TYK2: variants seen among roughly 807,000 people sequenced by gnomAD.
TYK2 encodes the protein tyrosine kinase 2.
Under a neutral mutation model 130.9 loss-of-function variants are expected in TYK2, and 65 were observed. That is an observed-to-expected ratio of 0.50 (90% CI 0.41 to 0.61). The LOEUF is 0.61. TYK2 is among the 20% of genes least tolerant of loss of function. TYK2 has a pLI of 0.00. For synonymous variants in TYK2, 647 were observed against 658.9 expected, an observed-to-expected ratio of 0.98 and a Z score of 0.28; for missense variants, 1,378 against 1,610.7, an observed-to-expected ratio of 0.86 and a Z score of 2.47.
In TYK2 at chr19:10,356,713, C is replaced by T. The variant is rs1599333919; in HGVS notation, c.2472G>A (p.Glu824=). The T allele has an allele frequency of 1.9e-6, 3 of 1,606,758 alleles. No homozygotes were observed. Among genetic ancestry groups the T allele is most frequent in the Non-Finnish European group, 2.5e-6 (3 of 1,176,926 alleles). The change falls in exon 18 of 25, where the codon GAG becomes GAA. Residue 824 remains glutamate (E), a synonymous_variant. Transcript: ENST00000525621. ...PLQSRSPSEK[E]HFYQRQHRLP... ...GCCGGTGCTGCCTCTGGTAGAAATG[C>T]TCCTTCTGTTGGGAAAGGGACCCAG... is the stretch of plus-strand genomic sequence containing the variant.
chr19:10,356,105 G>A (rs962300358), intron 18 of TYK2, among the ~76,000 whole-genome samples: 8 of 152,118 alleles, frequency 5.3e-5, no homozygotes, highest in Admixed American at 3.9e-4. Context: ...GAGGCCAGGC[G>A]CAGTGGCTCA....
intron 23 of TYK2, 80 bp downstream of exon 23, chr19:10,352,354 G>A: frequency 1.0e-6 from 1 of 965,776 alleles, no homozygotes; most frequent in South Asian, 1.3e-5. Context: ...TTACAGGCTT[G>A]AGCCACCGCG....
Position 10,350,544 on chromosome 19 carries a change from T to G in TYK2, c.*290A>C, listed in dbSNP as rs1599322119. ...ATCACAGGCTCCAGCAGAGAAAACATGAGTTTATTACCAGATGGTGGAGAT... is the reference window on the plus strand; with the variant it reads ...ATCACAGGCTCCAGCAGAGAAAACAGGAGTTTATTACCAGATGGTGGAGAT... On this transcript the variant is annotated 3_prime_UTR_variant, in exon 25 of 25. Transcript: ENST00000525621. The G allele has an allele frequency of 4.3e-6, 2 of 465,372 alleles. No homozygotes were observed. The highest frequency in any genetic ancestry group is 3.8e-5 in the African/African-American group (2 of 51,950). 28.8% of individuals were successfully genotyped at this position (465,372 alleles called of 1,614,324 possible).
In TYK2 at chr19:10,361,530, G is replaced by A. The variant is rs563722782; in HGVS notation, c.2028C>T (p.Val676=). ...ACTCACTTTCAGGGCCGCGCACACA[G>A]ACGCCATGCACGAAGGCCAGGTGCG... is the stretch of plus-strand genomic sequence containing the variant. ...SHTHLAFVHG[V]CVRGPENIMV... is the part of the protein sequence containing the mutation. The change falls in exon 14 of 25, where the codon GTC becomes GTT. Residue 676 remains valine (V), a synonymous_variant. Transcript: ENST00000525621. The surrounding 1 kb of genome is among the most constrained non-coding windows in gnomAD (Gnocchi z 4.0). The A allele has an allele frequency of 2.6e-6, 4 of 1,546,570 alleles. No homozygotes were observed. The highest frequency in any genetic ancestry group is 3.9e-5 in the Admixed American group (2 of 50,960).
Position 10,350,685 on chromosome 19 carries a change from CAG to C in TYK2, c.*147_*148del. On this transcript the variant is annotated 3_prime_UTR_variant, in exon 25 of 25. Coordinates refer to ENST00000525621, the MANE Select transcript of TYK2 (RefSeq NM_003331.5). ...CGGCCAAGAAAGAAAAATAAGTTCA[CAG>C]AGGTGGGGTCTCTAGACAGGAGTAA... The C allele has an allele frequency of 1.1e-6, 1 of 917,948 alleles. No homozygotes were observed. The highest frequency in any genetic ancestry group is 2.7e-5 in the Admixed American group (1 of 36,812). 56.9% of individuals were successfully genotyped at this position (917,948 alleles called of 1,614,324 possible).
intron 3 of TYK2, among the ~76,000 whole-genome samples, chr19:10,370,266 G>A (rs2145292843): frequency 6.6e-6 from 1 of 151,672 alleles, no homozygotes; most frequent in Middle Eastern, 3.4e-3. Flanking sequence ...GGCTGAGGCA[G>A]GAGGACTGCT....
At chr19:10,362,927 C>T (rs867578167) in intron 9 of TYK2, among the ~76,000 whole-genome samples, 28 of 152,182 alleles carry the variant, frequency 1.8e-4, no homozygotes, top group South Asian at 1.2e-3. Flanking sequence ...AATGCAATGG[C>T]GTGATCTCAG....
intron 3 of TYK2, among the ~76,000 whole-genome samples, chr19:10,377,321 C>CGGGTGGATGGAT (rs2042154193): frequency 1.6e-5 from 2 of 128,732 alleles, no homozygotes; most frequent in Non-Finnish European, 3.4e-5. Context: ...ACCGAATGAA[C>CGGGTGGATGGAT]GGGTGGATGG....
At chr19:10,373,486 A>C (rs1020553151) in intron 3 of TYK2, among the ~76,000 whole-genome samples, 1 of 151,764 alleles carries the variant, frequency 6.6e-6, no homozygotes, top group African/African-American at 2.4e-5. Context: ...GTGCGTCACC[A>C]CGCCCAGCTA....
At position 10,353,321 on chromosome 19, in the gene TYK2, G is replaced by C. The variant is rs1038849460; in HGVS notation, c.3027+207C>G. 1 of 575,534 alleles carries C rather than the reference G, an allele frequency of 1.7e-6. No homozygotes were observed. Among genetic ancestry groups the C allele is most frequent in the African/African-American group, 1.9e-5 (1 of 52,732 alleles). 35.7% of individuals were successfully genotyped at this position (575,534 alleles called of 1,614,324 possible). ...AAAGCTGGGCAGGAGGGCGAGTTGG[G>C]AGGGGCCGAGCCGGCTGTGCGTGGT... On this transcript the variant is annotated intron_variant, in intron 21 of 24. Coordinates refer to ENST00000525621, the MANE Select transcript of TYK2 (RefSeq NM_003331.5). This position sits in a 1 kb window ranked among gnomAD's most constrained non-coding sequence, Gnocchi z 6.9.
chr19:10,358,718 A>G (rs1168286112), intron 15 of TYK2, among the ~76,000 whole-genome samples: 1 of 151,606 alleles, frequency 6.6e-6, no homozygotes, highest in Non-Finnish European at 1.5e-5. Context: ...GGCCTCCCAA[A>G]CTGCTGGGAT....
chr19:10,378,033 G>A (rs1463142240), intron 3 of TYK2, among the ~76,000 whole-genome samples, 181 bp downstream of exon 3: 1 of 135,600 alleles, frequency 7.4e-6, no homozygotes, highest in Non-Finnish European at 1.6e-5. Flanking sequence ...TGGGTGGGTG[G>A]GTGGATGGAT....
At position 10,364,869 on chromosome 19, in the gene TYK2, C is replaced by T. The variant is rs2041581585; in HGVS notation, c.1191G>A (p.Arg397=). The T allele has an allele frequency of 6.2e-7, 1 of 1,614,156 alleles. No individual in the cohort carries two copies. Among genetic ancestry groups the T allele is most frequent in the Non-Finnish European group, 8.5e-7 (1 of 1,180,054 alleles). The change falls in exon 8 of 25, where the codon CGG becomes CGA. Residue 397 remains arginine, a synonymous_variant. Transcript: ENST00000525621. The surrounding 1 kb of genome is among the most constrained non-coding windows in gnomAD (Gnocchi z 4.9). The part of the protein sequence containing the change: ...VLKEHCVSIH[R]QDNKCLELSL... ...GCCTCACCAGGCACTTGTTGTCCTG[C>T]CGGTGGATGCTGACACAGTGCTCTT...
At position 10,380,503 on chromosome 19, in the gene TYK2, G is replaced by A. The variant is rs1368565911; in HGVS notation, c.-309C>T. The A allele has an allele frequency of 2.6e-5, 4 of 152,488 alleles. No individual in the cohort carries two copies. Among genetic ancestry groups the A allele is most frequent in the African/African-American group, 9.6e-5 (4 of 41,462 alleles). 9.4% of individuals were successfully genotyped at this position (152,488 alleles called of 1,614,324 possible). Reference sequence around the variant, plus strand: ...CGCGCTCCTTCCGCGCCCGCGTCCAGACTCACCCTTCCGGGGGAACACAAG... The same window carrying A: ...CGCGCTCCTTCCGCGCCCGCGTCCAAACTCACCCTTCCGGGGGAACACAAG... On this transcript the variant is annotated 5_prime_UTR_variant, in exon 1 of 25. Coordinates refer to ENST00000525621, the MANE Select transcript of TYK2 (RefSeq NM_003331.5).
At chr19:10,372,478 A>C (rs1311470751) in intron 3 of TYK2, among the ~76,000 whole-genome samples, 1 of 64,414 alleles carries the variant, frequency 1.6e-5, no homozygotes, top group Non-Finnish European at 2.7e-5. Flanking sequence ...ATATATATAT[A>C]TATATATTTT....
In TYK2 at chr19:10,356,594, C is replaced by T. The variant is rs770219068; in HGVS notation, c.2591G>A (p.Arg864His). 1.2e-6 allele frequency: 2 copies of T among 1,613,640 alleles called. No homozygotes were observed. Among genetic ancestry groups the T allele is most frequent in the Non-Finnish European group, 1.7e-6 (2 of 1,180,018 alleles). ...GTGGGGCTGCAGCCGGGTGAGGTCACGCAGGATGGTGCGGAATGATGGCCT... is the reference window on the plus strand; with the variant it reads ...GTGGGGCTGCAGCCGGGTGAGGTCATGCAGGATGGTGCGGAATGATGGCCT... ...TQRPSFRTILRDLTRLQPHNL... is the reference protein window; with the variant it reads ...TQRPSFRTILHDLTRLQPHNL... The change falls in exon 18 of 25, where the codon CGT becomes CAT. Residue 864 changes from arginine (R) to histidine (H), a missense_variant. By Grantham distance (29) the Arg-to-His change is conservative. Transcript: ENST00000525621.
chr19:10,358,294 G>GTTTTTTTTTTTTTTTTTTTTTTTTT (rs770531180), intron 15 of TYK2, among the ~76,000 whole-genome samples, 156 bp from the exon 16 acceptor site: 6 of 91,440 alleles, frequency 6.6e-5, no homozygotes, highest in African/African-American at 2.6e-4. Context: ...TTTTTTTCTT[G>GTTTTTTTTTTTTTTTTTTTTTTTTT]TTTTTTTTTT....
At position 10,351,769 on chromosome 19, in the gene TYK2, C is replaced by T. The variant is rs1026285949; in HGVS notation, c.3319-607G>A. Reference sequence around the variant, plus strand: ...GAATTTTTTTTTTGAGACAGTCTCTCGCTCTTTCACCCAGGCTGGAGTGCA... The same window carrying T: ...GAATTTTTTTTTTGAGACAGTCTCTTGCTCTTTCACCCAGGCTGGAGTGCA... On this transcript the variant is annotated intron_variant, in intron 23 of 24. Transcript: ENST00000525621. Among the ~76,000 whole-genome samples the T allele has an allele frequency of 1.7e-4, 26 of 152,118 alleles. No individual in the cohort carries two copies. The South Asian group carries it at 2.7e-3, about 16-fold the overall frequency.
chr19:10,368,570 A>G (rs1322765197), intron 3 of TYK2, 152 bp from the exon 4 acceptor site: 2 of 1,104,086 alleles, frequency 1.8e-6, no homozygotes, highest in Admixed American at 4.2e-5. Flanking sequence ...GGCAGAGGAC[A>G]GTGCGTATGT....
Sources: allele counts gnomAD v4.1 joint callset (sites outside exome capture counted in the v4.1 genomes callset), GRCh38; gene constraint gnomAD v4.1.1; non-coding constraint Gnocchi (gnomAD v3.1); transcripts MANE v1.5; gene names NCBI Gene and HGNC (gene_info 2026-07-23, HGNC 2026-07-21).